LUC7L2: variants seen among roughly 807,000 people sequenced by gnomAD.
LUC7L2 encodes putative RNA-binding protein Luc7-like 2.
Under a neutral mutation model 52.8 loss-of-function variants are expected in LUC7L2, and 25 were observed. The ratio of observed to expected loss-of-function variants is 0.47; its 90% CI spans 0.34 to 0.66. LUC7L2 has a LOEUF of 0.66. Ranked by LOEUF, LUC7L2 falls within the 30% of genes least tolerant of loss-of-function variation. The pLI, the probability that LUC7L2 is intolerant of heterozygous loss-of-function variation, is 0.01. For missense variants in LUC7L2, 328 were observed against 497.8 expected, an observed-to-expected ratio of 0.66 and a Z score of 3.25; for synonymous variants, 144 against 160.9, an observed-to-expected ratio of 0.89 and a Z score of 0.80.
At chr7:139,393,981 C>A (rs1419826408) in intron 2 of LUC7L2, among the ~76,000 whole-genome samples, 1 of 152,164 alleles carries the variant, frequency 6.6e-6, no homozygotes, top group Non-Finnish European at 1.5e-5. Context: ...ACACCAAAAT[C>A]TACTATGATG....
Position 139,413,514 on chromosome 7 carries a change from G to A in LUC7L2, c.809+934G>A, listed in dbSNP as rs558572485. On this transcript the variant is annotated intron_variant, in intron 8 of 9. Transcript: ENST00000354926. ...AACCTGGCTGAGCGCAGTGCCTCACGCTTATACCATCACAGCTCTTTGGGA... is the reference window on the plus strand; with the variant it reads ...AACCTGGCTGAGCGCAGTGCCTCACACTTATACCATCACAGCTCTTTGGGA... Among the ~76,000 whole-genome samples the A allele has an allele frequency of 2.1e-4, 32 of 152,272 alleles. No homozygotes were observed. The East Asian group carries it at 5.4e-3, about 26-fold the overall frequency.
intron 1 of LUC7L2, among the ~76,000 whole-genome samples, chr7:139,364,807 A>G (rs1229384907): frequency 6.6e-6 from 1 of 152,166 alleles, no homozygotes; most frequent in African/African-American, 2.4e-5. Flanking sequence ...CTTTACTGTA[A>G]TCTGTGTTCC....
intron 1 of LUC7L2, 109 bp from the exon 2 acceptor site, chr7:139,375,953 T>A: frequency 8.9e-7 from 1 of 1,125,122 alleles, no homozygotes; most frequent in South Asian, 1.5e-5. Context: ...TTGAGCTGAT[T>A]TATAATGTGT....
At chr7:139,410,100 G>T (rs1216849393) in intron 7 of LUC7L2, among the ~76,000 whole-genome samples, 1 of 152,034 alleles carries the variant, frequency 6.6e-6, no homozygotes, top group African/African-American at 2.4e-5. Flanking sequence ...CCAGCTGCGC[G>T]GGAGGCTGAG....
At chr7:139,407,420 A>T in intron 6 of LUC7L2, 70 bp downstream of exon 6, 1 of 1,487,520 alleles carries the variant, frequency 6.7e-7, no homozygotes, top group Non-Finnish European at 9.0e-7. Context: ...CTTTTTGTAC[A>T]ATATTCTTGA....
intron 1 of LUC7L2, among the ~76,000 whole-genome samples, chr7:139,354,113 GA>G (rs112772374): frequency 6.1e-5 from 9 of 147,866 alleles, no homozygotes; most frequent in Admixed American, 4.0e-4. Context: ...CTCGGTCTCA[GA>G]AAAAAAAAAA....
chr7:139,412,562 A>G lies in LUC7L2; in HGVS notation c.791A>G (p.His264Arg). 1 of 1,606,030 alleles carries G rather than the reference A, an allele frequency of 6.2e-7. No individual in the cohort carries two copies. The highest frequency in any genetic ancestry group is 8.5e-7 in the Non-Finnish European group (1 of 1,177,532). The change falls in exon 8 of 10, where the codon CAC becomes CGC. Residue 264 changes from histidine (H) to arginine (R), a missense_variant. Physicochemically the swap from His to Arg is conservative, Grantham distance 29. This residue lies in a region of LUC7L2 where 195 missense variants were observed against 223.3 expected (regional missense o/e 0.87). Coordinates refer to ENST00000354926, the MANE Select transcript of LUC7L2 (RefSeq NM_016019.5). ...EREKLRRSRS[H>R]SKNPKRSRSR... is the part of the protein sequence containing the mutation. Reference sequence around the variant, plus strand: ...TTTTTTTTTTTTAGGTCCCGATCACACAGCAAGAATCCAAAAAGGTAGGTG... The same window carrying G: ...TTTTTTTTTTTTAGGTCCCGATCACGCAGCAAGAATCCAAAAAGGTAGGTG...
intron 9 of LUC7L2, among the ~76,000 whole-genome samples, chr7:139,421,169 A>AT (rs1222898655): frequency 1.3e-5 from 2 of 152,158 alleles, no homozygotes; most frequent in South Asian, 2.1e-4. Flanking sequence ...TTTTAGAACC[A>AT]TTTTTTGTTT....
At chr7:139,400,602 A>G (rs527884871) in intron 3 of LUC7L2, among the ~76,000 whole-genome samples, 14 of 152,282 alleles carry the variant, frequency 9.2e-5, no homozygotes, top group African/African-American at 2.4e-4. Flanking sequence ...TTCTTCTGGC[A>G]TATTTTGGCT....
At position 139,407,370 on chromosome 7, in the gene LUC7L2, C is replaced by T; in HGVS notation, c.687+20C>T. On this transcript the variant is annotated intron_variant, in intron 6 of 9. Transcript: ENST00000354926. ...TTAAAGGTACATTGGTAAAATATTCCTCACTTTATCCTCTTGTTCTTTTGA... is the reference window on the plus strand; with the variant it reads ...TTAAAGGTACATTGGTAAAATATTCTTCACTTTATCCTCTTGTTCTTTTGA... 6.3e-7 allele frequency: 1 copy of T among 1,596,178 alleles called. No homozygotes were observed. The highest frequency in any genetic ancestry group is 8.5e-7 in the Non-Finnish European group (1 of 1,170,628).
At chr7:139,412,692 G>T (rs1436069148) in intron 8 of LUC7L2, 112 bp downstream of exon 8, 22 of 1,270,640 alleles carry the variant, frequency 1.7e-5, no homozygotes, top group Non-Finnish European at 2.3e-5. Context: ...GCTGGGCACG[G>T]TGATGCATGC....
chr7:139,398,579 AT>A lies in LUC7L2; in HGVS notation c.157-19del. 4 of 1,578,148 alleles carry A rather than the reference AT, an allele frequency of 2.5e-6. No homozygotes were observed. Among genetic ancestry groups the A allele is most frequent in the Non-Finnish European group, 3.4e-6 (4 of 1,168,426 alleles). ...AAAAACTTTTTTTTGTTTTAATATT[AT>A]GTCTTTTTTCCCTTCCAGAGAATGG... On this transcript the variant is annotated intron_variant, in intron 2 of 9. Coordinates refer to ENST00000354926, the MANE Select transcript of LUC7L2 (RefSeq NM_016019.5).
intron 1 of LUC7L2, among the ~76,000 whole-genome samples, chr7:139,353,239 C>T (rs1048615672): frequency 2.2e-4 from 34 of 152,006 alleles, no homozygotes; most frequent in African/African-American, 8.2e-4. Flanking sequence ...TTGTATGTAC[C>T]GATGCCCCAA....
chr7:139,413,712 A>T (rs1002397658), intron 8 of LUC7L2, among the ~76,000 whole-genome samples: 9 of 152,190 alleles, frequency 5.9e-5, no homozygotes, highest in African/African-American at 1.7e-4. Flanking sequence ...CAGGAGGTGG[A>T]GGTTACAGTA....
chr7:139,343,807 C>T (rs969807596), intron 1 of LUC7L2, among the ~76,000 whole-genome samples: 2 of 150,664 alleles, frequency 1.3e-5, no homozygotes, highest in African/African-American at 2.5e-5. Context: ...TGGTGGTGTG[C>T]GTCTGTAGTC....
At chr7:139,392,799 T>C (rs1289079271) in intron 2 of LUC7L2, among the ~76,000 whole-genome samples, 3 of 151,982 alleles carry the variant, frequency 2.0e-5, no homozygotes, top group Non-Finnish European at 2.9e-5. Flanking sequence ...ATTACAGGCA[T>C]GCACCACCAC....
At chr7:139,343,157 A>G (rs1400497487) in intron 1 of LUC7L2, among the ~76,000 whole-genome samples, 2 of 152,204 alleles carry the variant, frequency 1.3e-5, no homozygotes, top group African/African-American at 4.8e-5. Flanking sequence ...TCTATCCTAC[A>G]TTAACCTAGA....
At chr7:139,342,487 G>T (rs1219344073) in intron 1 of LUC7L2, among the ~76,000 whole-genome samples, 1 of 152,136 alleles carries the variant, frequency 6.6e-6, no homozygotes. Flanking sequence ...TGAAGTGGTA[G>T]GCCGAACAGG....
chr7:139,381,391 TA>T (rs1158900172), intron 2 of LUC7L2, among the ~76,000 whole-genome samples: 1,323 of 118,238 alleles, frequency 0.011, 26 homozygotes, highest in African/African-American at 0.039. Flanking sequence ...TTTTATTTTT[TA>T]TTTTATTTTA....
Sources: gnomAD v4.1 joint callset for allele counts (sites outside exome capture counted in the v4.1 genomes callset) on GRCh38, gnomAD v4.1.1 for gene constraint, gnomAD v4.1.1 regional missense constraint, MANE v1.5 for transcripts, NCBI Gene and HGNC (gene_info 2026-07-23, HGNC 2026-07-21) for gene names.